The following MBNL1 variants were observed in gnomAD, a reference collection of about 807,000 sequenced individuals.
MBNL1 encodes muscleblind-like protein 1.
A neutral mutation model predicts 42.2 loss-of-function variants in MBNL1; 8 were observed. The ratio of observed to expected loss-of-function variants is 0.19; its 90% CI spans 0.11 to 0.34. The LOEUF (loss-of-function observed/expected upper bound fraction) is 0.34. MBNL1 is among the 10% of genes least tolerant of loss of function. MBNL1 has a pLI of 1.00. For synonymous variants in MBNL1, 169 were observed against 173.9 expected (o/e 0.97, Z 0.22); for missense variants, 309 against 495.3 (o/e 0.62, Z 3.57).
chr3:152,425,280 T>G (rs1444517970), intron 3 of MBNL1, among the ~76,000 whole-genome samples: 1 of 151,138 alleles, frequency 6.6e-6, no homozygotes, highest in Non-Finnish European at 1.5e-5. Context: ...GACATTTATG[T>G]GGCCAACAAA....
chr3:152,293,468 A>T (rs1043345226), intron 1 of MBNL1, among the ~76,000 whole-genome samples: 1 of 152,228 alleles, frequency 6.6e-6, no homozygotes, highest in Non-Finnish European at 1.5e-5. Flanking sequence ...TTGTGTGAGC[A>T]AACTTAGTTT....
At chr3:152,254,082 A>G (rs1164628043) in intron 2 of MBNL1, among the ~76,000 whole-genome samples, 2 of 152,142 alleles carry the variant, frequency 1.3e-5, no homozygotes, top group African/African-American at 4.8e-5. Flanking sequence ...ATGATTAAGT[A>G]AAAGGTCTCA....
chr3:152,253,320 C>T (rs2149428154), intron 2 of MBNL1, among the ~76,000 whole-genome samples: 1 of 152,238 alleles, frequency 6.6e-6, no homozygotes, highest in South Asian at 2.1e-4. Flanking sequence ...TACACTCCAT[C>T]TATCAGCATG....
intron 2 of MBNL1, among the ~76,000 whole-genome samples, chr3:152,331,742 G>C (rs1034279507): frequency 6.6e-6 from 1 of 152,106 alleles, no homozygotes; most frequent in Admixed American, 6.5e-5. Context: ...CTGTTGCCCA[G>C]ACTGGAGTGC....
chr3:152,450,494 A>G lies in MBNL1; in HGVS notation c.961+2721A>G, dbSNP rs533466219. On this transcript the variant is annotated intron_variant, in intron 6 of 9. Transcript: ENST00000324210. ...AAAAGCCTCAGGGGCCAGGCAGGAA[A>G]CACAAGTGAAGCAAGAATAAATTGG... is the stretch of plus-strand genomic sequence containing the variant. Among the ~76,000 whole-genome samples, 15 of 152,338 alleles carry G rather than the reference A, an allele frequency of 9.8e-5. 1 individual carries two copies. In the South Asian group the frequency reaches 3.1e-3, roughly 32 times the overall value.
intron 2 of MBNL1, among the ~76,000 whole-genome samples, chr3:152,311,517 CTTGT>C (rs1193012632): frequency 2.0e-5 from 3 of 151,982 alleles, no homozygotes; most frequent in Non-Finnish European, 4.4e-5. Context: ...GTATGTCATG[CTTGT>C]TTGTGATTTT....
intron 1 of MBNL1, among the ~76,000 whole-genome samples, chr3:152,286,434 A>G (rs191771460): frequency 0.015 from 1,071 of 69,800 alleles, 33 homozygotes; most frequent in African/African-American, 0.057. Flanking sequence ...TATAATATAA[A>G]TATTTATATT....
chr3:152,402,326 G>A (rs1345483665), intron 2 of MBNL1, among the ~76,000 whole-genome samples: 1 of 152,108 alleles, frequency 6.6e-6, no homozygotes, highest in East Asian at 1.9e-4. Context: ...GTTATCCCTA[G>A]CCTGGTATTC....
chr3:152,461,413 G>T (rs1430395654), intron 9 of MBNL1, among the ~76,000 whole-genome samples: 8 of 152,242 alleles, frequency 5.3e-5, no homozygotes, highest in Non-Finnish European at 5.9e-5. Flanking sequence ...AGAAGAAGAG[G>T]TTTTTTTGAC....
chr3:152,332,739 T>TGCGTGC (rs1553840940), intron 2 of MBNL1, among the ~76,000 whole-genome samples: 1 of 115,646 alleles, frequency 8.6e-6, no homozygotes, highest in African/African-American at 3.4e-5. Flanking sequence ...TGTGTGTGTG[T>TGCGTGC]GCGCGCGCGC....
intron 1 of MBNL1, among the ~76,000 whole-genome samples, chr3:152,291,743 C>T (rs990642537): frequency 6.6e-6 from 1 of 152,130 alleles, no homozygotes; most frequent in African/African-American, 2.4e-5. Flanking sequence ...ACTCTGCTTT[C>T]TTCACAGTAC....
chr3:152,307,634 A>C (rs11705943), intron 2 of MBNL1, among the ~76,000 whole-genome samples: 25,332 of 152,190 alleles, frequency 0.17, 2,294 homozygotes, highest in East Asian at 0.27. Context: ...TAGGTAATAC[A>C]TGCAAGGTCA....
chr3:152,435,038 T>C (rs2099059933), intron 4 of MBNL1, among the ~76,000 whole-genome samples: 2 of 152,292 alleles, frequency 1.3e-5, no homozygotes, highest in African/African-American at 4.8e-5. Flanking sequence ...AGCTCTTTAG[T>C]TTAATTAGAT....
chr3:152,350,669 T>A (rs1336113970), intron 2 of MBNL1, among the ~76,000 whole-genome samples: 1 of 152,128 alleles, frequency 6.6e-6, no homozygotes, highest in Non-Finnish European at 1.5e-5. Flanking sequence ...TGGCCTTGAA[T>A]GGAAGATTAA....
chr3:152,307,588 C>T (rs1200301285), intron 2 of MBNL1, among the ~76,000 whole-genome samples: 1 of 152,070 alleles, frequency 6.6e-6, no homozygotes, highest in Non-Finnish European at 1.5e-5. Context: ...GTGTTACTTC[C>T]ATTTCACAGA....
At chr3:152,298,206 TATC>T (rs1346095839) in intron 1 of MBNL1, among the ~76,000 whole-genome samples, 1 of 152,224 alleles carries the variant, frequency 6.6e-6, no homozygotes, top group Non-Finnish European at 1.5e-5. Flanking sequence ...AAATACTAGT[TATC>T]ATACTGTGTC....
intron 2 of MBNL1, among the ~76,000 whole-genome samples, chr3:152,402,315 C>T (rs1167401009): frequency 2.0e-5 from 3 of 152,246 alleles, no homozygotes; most frequent in Middle Eastern, 3.4e-3. Context: ...TTAATATTCA[C>T]GTTATCCCTA....
At position 152,300,178 on chromosome 3, in the gene MBNL1, C is replaced by A; in HGVS notation, c.-16C>A. On this transcript the variant is annotated 5_prime_UTR_variant, in exon 2 of 10. Coordinates refer to ENST00000324210, the MANE Select transcript of MBNL1 (RefSeq NM_021038.5). ...TTGGTTTCACTGAAACATTTAACTA[C>A]CTGTAAAATCTAAACATGGCTGTTA... The A allele has an allele frequency of 6.5e-7, 1 of 1,536,116 alleles. No homozygotes were observed.
chr3:152,278,300 A>G (rs1224832100), intron 1 of MBNL1, among the ~76,000 whole-genome samples: 1 of 152,128 alleles, frequency 6.6e-6, no homozygotes, highest in East Asian at 1.9e-4. Context: ...ATTTGGTCTT[A>G]GGTACCTCTT....
Sources: gnomAD v4.1 joint callset for allele counts (sites outside exome capture counted in the v4.1 genomes callset) on GRCh38, gnomAD v4.1.1 for gene constraint, MANE v1.5 for transcripts, NCBI Gene and HGNC (gene_info 2026-07-23, HGNC 2026-07-21) for gene names.